Variants in ZNF215 observed in about 807,000 individuals in gnomAD.
ZNF215 encodes BWSCR2-associated zinc finger protein 2.
A neutral mutation model predicts 27.2 loss-of-function variants in ZNF215; 24 were observed. That is an observed-to-expected ratio of 0.88 (90% CI 0.64 to 1.24). The LOEUF (loss-of-function observed/expected upper bound fraction) is 1.24, where lower values mean the gene tolerates loss of function less well. Ranked by LOEUF, ZNF215 falls within the 50% of genes most tolerant of loss-of-function variation. ZNF215 has a pLI of 0.00. For missense variants in ZNF215, 675 were observed against 605.7 expected (o/e 1.11, Z -1.20); for synonymous variants, 210 against 204.0 (o/e 1.03, Z -0.25).
intron 6 of ZNF215, among the ~76,000 whole-genome samples, chr11:6,947,900 G>A (rs2638101): frequency 0.23 from 35,707 of 152,138 alleles, 4,534 homozygotes; most frequent in African/African-American, 0.32. Flanking sequence ...GAACTTAACT[G>A]TTCTTATGGG....
intron 5 of ZNF215, among the ~76,000 whole-genome samples, chr11:6,977,545 T>C (rs1375814523): frequency 6.6e-6 from 1 of 151,910 alleles, no homozygotes; most frequent in Non-Finnish European, 1.5e-5. Flanking sequence ...ATGAGACTAT[T>C]AGAGTGGGCC....
chr11:6,956,843 A>G lies in ZNF215; in HGVS notation c.*312A>G. On this transcript the variant is annotated 3_prime_UTR_variant, in exon 7 of 7. Coordinates refer to ENST00000278319, the MANE Select transcript of ZNF215 (RefSeq NM_013250.4). ...CTCCCTAGTTCATAAATAGGTCTAT[A>G]GCATACTAATATCCACCTGATTTAT... 9.5e-7 allele frequency: 1 copy of G among 1,056,310 alleles called. No homozygotes were observed. Among genetic ancestry groups the G allele is most frequent in the Non-Finnish European group, 1.1e-6 (1 of 875,334 alleles). The allele number at this position is 1,056,310 out of a possible 1,614,324, so 65.4% of individuals were successfully genotyped here. A position where few individuals can be genotyped will look rare whatever the true frequency, so the allele number is the denominator to read the frequency against.
Position 6,955,792 on chromosome 11 carries a change from G to T in ZNF215, c.815G>T (p.Trp272Leu), listed in dbSNP as rs200618326. ...PSSDAWKGEN[W>L]LYRNQKKWDI... ...TCAGATGCCTGGAAAGGTGAGAATT[G>T]GTTATATAGGAACCAGAAAAAATGG... is the stretch of plus-strand genomic sequence containing the variant. The change falls in exon 7 of 7, where the codon TGG (tryptophan) becomes TTG (leucine). Residue 272 changes from tryptophan to leucine, a missense_variant. By Grantham distance (61) the Trp-to-Leu change is moderately conservative (BLOSUM62 -2). Transcript: ENST00000278319. The T allele has an allele frequency of 1.1e-5, 18 of 1,613,552 alleles. No homozygotes were observed. Among genetic ancestry groups the T allele is most frequent in the Non-Finnish European group, 1.5e-5 (18 of 1,179,936 alleles).
chr11:6,969,105 G>A (rs1850675891), intron 5 of ZNF215, among the ~76,000 whole-genome samples: 1 of 152,046 alleles, frequency 6.6e-6, no homozygotes, highest in Non-Finnish European at 1.5e-5. Context: ...CACTGGATTT[G>A]ATTCAGGTTT....
At position 6,994,286 on chromosome 11, in the gene ZNF215, G is replaced by A. The variant is rs559047030; in HGVS notation, c.*193-5823G>A. On this transcript the variant is annotated intron_variant and NMD_transcript_variant, in intron 6 of 6. Transcript: ENST00000636606. ...GTTGACAAAAATGTTGTGATAAGAA[G>A]CTCATAGGAATCTTACCCTCTGGTG... Among the ~76,000 whole-genome samples the A allele has an allele frequency of 7.2e-5, 11 of 152,018 alleles. No homozygotes were observed. The South Asian group carries it at 2.3e-3, about 32-fold the overall frequency.
chr11:6,927,512 A>G (rs1849096946), intron 1 of ZNF215, 150 bp from the exon 2 acceptor site: 2 of 152,166 alleles, frequency 1.3e-5, no homozygotes, highest in Admixed American at 6.5e-5. Context: ...ACCTGGTTAT[A>G]TTAGTCTAAC....
chr11:6,941,604 G>A lies in ZNF215; in HGVS notation c.434G>A (p.Gly145Glu). Reference protein sequence around the residue: ...MPCKDSALQMGSIKEKMKAGS... With the variant: ...MPCKDSALQMESIKEKMKAGS... ...TGCAAGGACTCTGCCCTGCAGATGG[G>A]GAGCATCAAGGAGAAAATGAAAGCT... is the stretch of plus-strand genomic sequence containing the variant. Residue 145 changes from glycine (G) to glutamate (E), a missense_variant, in exon 4 of 7, where the codon GGG becomes GAG. Gly to Glu is a moderately conservative substitution (Grantham distance 98, BLOSUM62 -2). Coordinates refer to ENST00000278319, the MANE Select transcript of ZNF215 (RefSeq NM_013250.4). The A allele has an allele frequency of 1.2e-6, 2 of 1,614,048 alleles. No individual in the cohort carries two copies. The highest frequency in any genetic ancestry group is 8.5e-7 in the Non-Finnish European group (1 of 1,179,940).
At chr11:6,944,050 C>T (rs2857890) in intron 6 of ZNF215, among the ~76,000 whole-genome samples, 40,283 of 151,834 alleles carry the variant, frequency 0.27, 5,658 homozygotes, top group African/African-American at 0.36. Flanking sequence ...CGGAGGCGGG[C>T]GGATCACAAG....
chr11:6,937,873 T>G (rs1432548256), intron 3 of ZNF215, among the ~76,000 whole-genome samples: 1 of 151,926 alleles, frequency 6.6e-6, no homozygotes, highest in Admixed American at 6.6e-5. Flanking sequence ...TGTCTAAATA[T>G]AAGAGCCAAA....
intron 6 of ZNF215, among the ~76,000 whole-genome samples, chr11:6,944,003 T>C (rs114029308): frequency 0.082 from 12,473 of 152,156 alleles, 986 homozygotes; most frequent in African/African-American, 0.21. Context: ...TGGCTGGGCG[T>C]GGTGGCTCAC....
downstream of ZNF215, chr11:6,988,368 A>G: frequency 3.5e-6 from 2 of 575,504 alleles, no homozygotes; most frequent in Non-Finnish European, 4.4e-6. Context: ...TGAACATCAG[A>G]AAAGGGCTCT....
At chr11:6,955,479 C>G (rs192438061) in intron 6 of ZNF215, among the ~76,000 whole-genome samples, 136 of 152,170 alleles carry the variant, frequency 8.9e-4, no homozygotes, top group Middle Eastern at 3.4e-3. Flanking sequence ...TTTTAGTATT[C>G]CAGAATAGCT....
In ZNF215 at chr11:6,951,477, G is replaced by A. The variant is rs180937935; in HGVS notation, c.713-4213G>A. 5.0e-3 allele frequency among the ~76,000 whole-genome samples: 766 copies of A among 152,082 alleles called. 3 individuals are homozygous for A. Among genetic ancestry groups the A allele is most frequent in the African/African-American group, 0.016 (665 of 41,520 alleles). ...TTAGTCTTGGGAGGGTGTATGTGTC[G>A]AGGAATTTATCCATTTCTTCTAGAT... On this transcript the variant is annotated intron_variant, in intron 6 of 6. Transcript: ENST00000278319.
chr11:6,965,965 G>T (rs181983657), intron 5 of ZNF215, among the ~76,000 whole-genome samples: 11 of 152,164 alleles, frequency 7.2e-5, no homozygotes, highest in Admixed American at 7.2e-4. Flanking sequence ...TCTATTTTCT[G>T]GAAGAATTTC....
chr11:6,967,423 C>T (rs189939579), intron 5 of ZNF215, among the ~76,000 whole-genome samples: 1 of 152,218 alleles, frequency 6.6e-6, no homozygotes, highest in Non-Finnish European at 1.5e-5. Flanking sequence ...CTCCCACCAA[C>T]AGTGCAAAAG....
intron 6 of ZNF215, among the ~76,000 whole-genome samples, chr11:6,944,532 C>T (rs1405402112): frequency 6.6e-6 from 1 of 151,802 alleles, no homozygotes; most frequent in Non-Finnish European, 1.5e-5. Context: ...AACTTCTTAA[C>T]TTTTGCCTTA....
downstream of ZNF215, among the ~76,000 whole-genome samples, chr11:6,987,651 A>T (rs1851073830): frequency 2.6e-5 from 4 of 152,254 alleles, no homozygotes; most frequent in South Asian, 8.3e-4. Flanking sequence ...CCTGCAGCTT[A>T]TTAACTCAGA....
intron 5 of ZNF215, among the ~76,000 whole-genome samples, chr11:6,973,472 A>G (rs1433248955): frequency 6.6e-6 from 1 of 152,188 alleles, no homozygotes; most frequent in Non-Finnish European, 1.5e-5. Flanking sequence ...GAATTGCCAC[A>G]CTGTCTTCCA....
rs566934085 is a variant in ZNF215 at position 6,944,814 on chromosome 11, G to A, written c.712+1173G>A. Among the ~76,000 whole-genome samples the A allele has an allele frequency of 1.1e-3, 160 of 152,036 alleles. No homozygotes were observed. The South Asian group carries it at 0.022, about 21-fold the overall frequency. On this transcript the variant is annotated intron_variant, in intron 6 of 6. Coordinates refer to ENST00000278319, the MANE Select transcript of ZNF215 (RefSeq NM_013250.4). ...TTTTTCCAGAATTCATCAGGAATAC[G>A]TCATTTTATATCCTCTTTTCACCTA...
Sources: gnomAD v4.1 joint callset for allele counts (sites outside exome capture counted in the v4.1 genomes callset) on GRCh38, gnomAD v4.1.1 for gene constraint, MANE v1.5 for transcripts, NCBI Gene and HGNC (gene_info 2026-07-23, HGNC 2026-07-21) for gene names.